The following EPB41L4A variants were observed in gnomAD, a reference collection of about 807,000 sequenced individuals.
EPB41L4A encodes erythrocyte membrane protein band 4.1 like 4A.
EPB41L4A carries 100 observed loss-of-function variants against 108.6 expected under a neutral mutation model. The ratio of observed to expected loss-of-function variants is 0.92; its 90% CI spans 0.78 to 1.09. The LOEUF is 1.09. EPB41L4A is among the 50% of genes least tolerant of loss of function. The pLI is 0.00. For missense variants in EPB41L4A, 1,030 were observed against 842.7 expected (o/e 1.22, Z -2.75); for synonymous variants, 319 against 289.0 (o/e 1.10, Z -1.05).
intron 11 of EPB41L4A, 66 bp downstream of exon 11, chr5:112,239,594 T>C (rs1488010651): frequency 5.1e-6 from 5 of 988,768 alleles, no homozygotes; most frequent in East Asian, 5.6e-5. Flanking sequence ...TCACTGAGCA[T>C]GTATGACAGC....
intron 5 of EPB41L4A, among the ~76,000 whole-genome samples, chr5:112,265,378 C>A (rs896258314): frequency 1.3e-5 from 2 of 152,172 alleles, no homozygotes; most frequent in Non-Finnish European, 2.9e-5. Flanking sequence ...AATATATCCT[C>A]TCAGATAATG....
At chr5:112,306,382 CA>C (rs1754680373) in intron 2 of EPB41L4A, among the ~76,000 whole-genome samples, 1 of 152,132 alleles carries the variant, frequency 6.6e-6, no homozygotes, top group Admixed American at 6.6e-5. Context: ...AGCTATCCAA[CA>C]TACCCAATTT....
At position 112,319,042 on chromosome 5, in the gene EPB41L4A, T is replaced by A. The variant is rs1755598741; in HGVS notation, c.100-11552A>T. 2.0e-5 allele frequency among the ~76,000 whole-genome samples: 3 copies of A among 152,268 alleles called. No homozygotes were observed. In the South Asian group the frequency reaches 6.2e-4, roughly 32 times the overall value. ...CAACACCTCAATAGCAATGACCACATCTGGTACCCACATCTTTGGTTTCTA... is the reference window on the plus strand; with the variant it reads ...CAACACCTCAATAGCAATGACCACAACTGGTACCCACATCTTTGGTTTCTA... On this transcript the variant is annotated intron_variant, in intron 1 of 22. Transcript: ENST00000261486.
chr5:112,335,905 G>T (rs1247722583), intron 1 of EPB41L4A, among the ~76,000 whole-genome samples: 6 of 152,086 alleles, frequency 3.9e-5, no homozygotes, highest in Non-Finnish European at 8.8e-5. Flanking sequence ...AGCCACTCTG[G>T]ACTTCTTTCC....
At chr5:112,212,901 A>C (rs895537306) in intron 12 of EPB41L4A, among the ~76,000 whole-genome samples, 2 of 152,200 alleles carry the variant, frequency 1.3e-5, no homozygotes, top group African/African-American at 4.8e-5. Context: ...TTAGTCTAAC[A>C]ATCAATTACT....
intron 9 of EPB41L4A, among the ~76,000 whole-genome samples, chr5:112,258,930 C>T (rs1751301857): frequency 6.6e-6 from 1 of 152,182 alleles, no homozygotes; most frequent in Admixed American, 6.5e-5. Flanking sequence ...CTTCTACCCT[C>T]ACAGAGAGTA....
intron 12 of EPB41L4A, among the ~76,000 whole-genome samples, chr5:112,146,824 C>T (rs2112790232): frequency 6.6e-6 from 1 of 152,294 alleles, no homozygotes; most frequent in East Asian, 1.9e-4. Context: ...GTACAGGAAT[C>T]TTACCACTCA....
At chr5:112,185,227 C>T (rs959391135) in intron 17 of EPB41L4A, among the ~76,000 whole-genome samples, 10 of 152,058 alleles carry the variant, frequency 6.6e-5, no homozygotes, top group Non-Finnish European at 1.3e-4. Context: ...TTGCCAGGCA[C>T]TCACCCCAGT....
At chr5:112,195,926 C>A (rs1042254096) in intron 15 of EPB41L4A, among the ~76,000 whole-genome samples, 3 of 152,188 alleles carry the variant, frequency 2.0e-5, no homozygotes, top group Non-Finnish European at 4.4e-5. Context: ...GTGGAACCTG[C>A]AAACCGTCCG....
At chr5:112,171,853 A>G (rs1760598624) in intron 18 of EPB41L4A, among the ~76,000 whole-genome samples, 1 of 152,242 alleles carries the variant, frequency 6.6e-6, no homozygotes, top group Admixed American at 6.5e-5. Context: ...GGCCAAAAGA[A>G]AGAACAAATA....
chr5:112,218,894 G>C (rs920290609), intron 12 of EPB41L4A, among the ~76,000 whole-genome samples: 1 of 152,052 alleles, frequency 6.6e-6, no homozygotes, highest in African/African-American at 2.4e-5. Context: ...AGTTTAAATA[G>C]TACCAAAGGA....
intron 17 of EPB41L4A, among the ~76,000 whole-genome samples, chr5:112,186,407 T>C (rs1476421506): frequency 6.6e-6 from 1 of 152,192 alleles, no homozygotes; most frequent in East Asian, 1.9e-4. Context: ...TTAAAACTCC[T>C]GAGACATAAG....
At chr5:112,150,552 T>C (rs1231069362) in intron 12 of EPB41L4A, among the ~76,000 whole-genome samples, 1 of 152,160 alleles carries the variant, frequency 6.6e-6, no homozygotes, top group African/African-American at 2.4e-5. Flanking sequence ...AGTTGGAAGA[T>C]AAAGCTGAAG....
intron 18 of EPB41L4A, among the ~76,000 whole-genome samples, chr5:112,173,958 A>T (rs1048241269): frequency 6.6e-6 from 1 of 152,164 alleles, no homozygotes; most frequent in African/African-American, 2.4e-5. Flanking sequence ...ATGTTATCTT[A>T]ATCTGAACGA....
At chr5:112,261,128 A>G (rs1177385194) in intron 7 of EPB41L4A, among the ~76,000 whole-genome samples, 1 of 152,242 alleles carries the variant, frequency 6.6e-6, no homozygotes, top group African/African-American at 2.4e-5. Context: ...CTACAGTTTT[A>G]GCAGTATTCT....
intron 1 of EPB41L4A, among the ~76,000 whole-genome samples, chr5:112,393,805 C>A (rs879233921): frequency 6.6e-6 from 1 of 152,072 alleles, no homozygotes; most frequent in Non-Finnish European, 1.5e-5. Context: ...AATTTTAGAC[C>A]AATATCCCTG....
At chr5:112,333,917 T>A (rs544383542) in intron 1 of EPB41L4A, among the ~76,000 whole-genome samples, 1 of 152,262 alleles carries the variant, frequency 6.6e-6, no homozygotes, top group South Asian at 2.1e-4. Context: ...CAGTATACTA[T>A]CAACAGCGTA....
rs756763033 is a variant in EPB41L4A, at chr5:112,259,288, G to A, written c.736C>T (p.Arg246Trp). Residue 246 changes from arginine (R) to tryptophan (W), a missense_variant, in exon 9 of 23, where the codon CGG (arginine) becomes TGG (tryptophan). Transcript: ENST00000261486. ...TCCTTGAAGTGAACCTTTGTAATCCGAGGCCTAAAAAACAAAGCAGATGGT... is the reference window on the plus strand; with the variant it reads ...TCCTTGAAGTGAACCTTTGTAATCCAAGGCCTAAAAAACAAAGCAGATGGT... ...KKQVGKYFWP[R>W]ITKVHFKETQ... 33 of 1,613,636 alleles carry A rather than the reference G, an allele frequency of 2.0e-5. No individual in the cohort carries two copies. Among genetic ancestry groups the A allele is most frequent in the South Asian group, 5.5e-5 (5 of 91,064 alleles).
At chr5:112,184,877 T>C (rs970804109) in intron 17 of EPB41L4A, among the ~76,000 whole-genome samples, 5 of 152,196 alleles carry the variant, frequency 3.3e-5, no homozygotes, top group Non-Finnish European at 5.9e-5. Context: ...ATCTGGATTC[T>C]TAAAGTGAAC....
Sources: gnomAD v4.1 joint callset for allele counts (sites outside exome capture counted in the v4.1 genomes callset) on GRCh38, gnomAD v4.1.1 for gene constraint, MANE v1.5 for transcripts, NCBI Gene and HGNC (gene_info 2026-07-23, HGNC 2026-07-21) for gene names.